Variants in ERBB4 observed in about 807,000 individuals in gnomAD.
The protein encoded by ERBB4 is receptor tyrosine-protein kinase erbB-4.
In ERBB4, 42 loss-of-function variants were observed where a neutral mutation model predicts 158.0. The observed-to-expected ratio is 0.27, with a 90% confidence interval of 0.21 to 0.34. The LOEUF (loss-of-function observed/expected upper bound fraction) is 0.34. ERBB4 is among the 10% of genes least tolerant of loss of function. The pLI, the probability that ERBB4 is intolerant of heterozygous loss-of-function variation, is 1.00. For synonymous variants in ERBB4, 583 were observed against 558.7 expected (o/e 1.04, Z -0.61); for missense variants, 1,333 against 1,624.1 (o/e 0.82, Z 3.08).
At chr2:211,605,502 A>G (rs35426402) in intron 19 of ERBB4, among the ~76,000 whole-genome samples, 6 of 151,988 alleles carry the variant, frequency 3.9e-5, no homozygotes, top group Non-Finnish European at 7.4e-5. Context: ...AAGTCTTGGT[A>G]TATGTCCTGG....
At chr2:212,491,596 T>C (rs757996468) in intron 1 of ERBB4, among the ~76,000 whole-genome samples, 3 of 151,614 alleles carry the variant, frequency 2.0e-5, no homozygotes, top group African/African-American at 4.8e-5. Flanking sequence ...CATTTAAATT[T>C]CTCTACAGAG....
At chr2:211,736,312 T>C (rs2074599835) in intron 5 of ERBB4, among the ~76,000 whole-genome samples, 1 of 152,250 alleles carries the variant, frequency 6.6e-6, no homozygotes, top group South Asian at 2.1e-4. Context: ...ATATCCTTGA[T>C]GAAATGTTTT....
intron 3 of ERBB4, among the ~76,000 whole-genome samples, chr2:211,800,507 G>A (rs1172945783): frequency 6.6e-6 from 1 of 152,048 alleles, no homozygotes; most frequent in Non-Finnish European, 1.5e-5. Flanking sequence ...TTTAAGCAGA[G>A]ATGAGGCACA....
intron 1 of ERBB4, among the ~76,000 whole-genome samples, chr2:212,181,546 TCA>T (rs751456566): frequency 6.6e-6 from 1 of 151,732 alleles, no homozygotes. Context: ...CATATGTTTA[TCA>T]CACAGATTTT....
intron 2 of ERBB4, among the ~76,000 whole-genome samples, chr2:212,097,379 C>T (rs1427527975): frequency 6.6e-6 from 1 of 152,074 alleles, no homozygotes; most frequent in Non-Finnish European, 1.5e-5. Flanking sequence ...AAAACCATTT[C>T]AGGTAAAGGA....
chr2:212,131,512 G>A (rs952807507), intron 1 of ERBB4, among the ~76,000 whole-genome samples: 4 of 152,110 alleles, frequency 2.6e-5, no homozygotes, highest in Admixed American at 1.3e-4. Flanking sequence ...AGACACAACA[G>A]TTATTCCATT....
intron 3 of ERBB4, among the ~76,000 whole-genome samples, chr2:211,875,044 A>AAAAAAAAAAC (rs2078460408): frequency 8.8e-6 from 1 of 113,966 alleles, no homozygotes; most frequent in African/African-American, 2.7e-5. Context: ...AAAAAAAAAA[A>AAAAAAAAAAC]AAAAAACAAA....
intron 3 of ERBB4, among the ~76,000 whole-genome samples, chr2:211,944,962 G>T (rs1033575275): frequency 6.6e-6 from 1 of 152,014 alleles, no homozygotes; most frequent in East Asian, 1.9e-4. Context: ...TTTATACCAG[G>T]TATAAAAAAT....
chr2:212,280,614 T>C (rs1309244528), intron 1 of ERBB4, among the ~76,000 whole-genome samples: 1 of 151,684 alleles, frequency 6.6e-6, no homozygotes, highest in Non-Finnish European at 1.5e-5. Context: ...TCTGTTGCTG[T>C]TGTTGTTGTT....
chr2:212,463,896 A>G (rs1169371403), intron 1 of ERBB4, among the ~76,000 whole-genome samples: 1 of 152,148 alleles, frequency 6.6e-6, no homozygotes, highest in Non-Finnish European at 1.5e-5. Flanking sequence ...ATTAAAGAGA[A>G]ATAAAAGGAA....
At chr2:211,640,007 G>A (rs1466683858) in intron 16 of ERBB4, among the ~76,000 whole-genome samples, 4 of 152,170 alleles carry the variant, frequency 2.6e-5, no homozygotes, top group Non-Finnish European at 4.4e-5. Context: ...ATAGCTGTGA[G>A]CCACCAAGTC....
chr2:212,260,719 A>G (rs1434823408), intron 1 of ERBB4, among the ~76,000 whole-genome samples: 1 of 152,054 alleles, frequency 6.6e-6, no homozygotes, highest in African/African-American at 2.4e-5. Flanking sequence ...AGGCTAATCC[A>G]GGAGAATTGT....
At chr2:212,184,721 T>C (rs528498196) in intron 1 of ERBB4, among the ~76,000 whole-genome samples, 1 of 152,308 alleles carries the variant, frequency 6.6e-6, no homozygotes, top group African/African-American at 2.4e-5. Context: ...GATTTGGAAA[T>C]AATAATAAAA....
chr2:212,395,434 C>T (rs2090996035), intron 1 of ERBB4, among the ~76,000 whole-genome samples: 1 of 151,626 alleles, frequency 6.6e-6, no homozygotes, highest in Admixed American at 6.6e-5. Context: ...AGAGGTGTGT[C>T]ACGTAAAGGA....
At chr2:211,520,907 T>A (rs748349964) in intron 20 of ERBB4, among the ~76,000 whole-genome samples, 1 of 152,168 alleles carries the variant, frequency 6.6e-6, no homozygotes, top group African/African-American at 2.4e-5. Context: ...TGGAGCATCA[T>A]GAATCATGCC....
At position 212,323,233 on chromosome 2, in the gene ERBB4, C is replaced by T. The variant is rs994643023; in HGVS notation, c.83-198330G>A. Among the ~76,000 whole-genome samples, 3 of 150,454 alleles carry T rather than the reference C, an allele frequency of 2.0e-5. 1 individual carries two copies. Among genetic ancestry groups the T allele is most frequent in the African/African-American group, 7.3e-5 (3 of 41,264 alleles). On this transcript the variant is annotated intron_variant, in intron 1 of 27. Transcript: ENST00000342788. Reference sequence around the variant, plus strand: ...AAATTATTATGAGATTCATGTACCACGTTTTTACTCATTTAATAATTTTTA... The same window carrying T: ...AAATTATTATGAGATTCATGTACCATGTTTTTACTCATTTAATAATTTTTA...
chr2:211,807,784 T>C (rs949334927), intron 3 of ERBB4, among the ~76,000 whole-genome samples: 1 of 152,176 alleles, frequency 6.6e-6, no homozygotes, highest in Non-Finnish European at 1.5e-5. Flanking sequence ...CTCTCCAGCA[T>C]CTGTTGTTTC....
At chr2:211,765,237 A>T (rs2075523440) in intron 4 of ERBB4, among the ~76,000 whole-genome samples, 1 of 152,270 alleles carries the variant, frequency 6.6e-6, no homozygotes, top group South Asian at 2.1e-4. Context: ...GAGCTCAGAC[A>T]CTAGGCTACC....
intron 25 of ERBB4, among the ~76,000 whole-genome samples, chr2:211,396,429 ATTTAGAG>A (rs1311207010): frequency 1.3e-5 from 2 of 152,134 alleles, no homozygotes; most frequent in African/African-American, 2.4e-5. Flanking sequence ...TTGTTACTCT[ATTTAGAG>A]TTTAGAGTTA....
Sources: allele counts gnomAD v4.1 joint callset (sites outside exome capture counted in the v4.1 genomes callset), GRCh38; gene constraint gnomAD v4.1.1; transcripts MANE v1.5; gene names NCBI Gene and HGNC (gene_info 2026-07-23, HGNC 2026-07-21).